Variants in ATF7IP observed in about 807,000 individuals in gnomAD.
The protein encoded by ATF7IP is activating transcription factor 7-interacting protein 1.
Under a neutral mutation model 106.4 loss-of-function variants are expected in ATF7IP, and 23 were observed. The observed-to-expected ratio is 0.22, with a 90% CI of 0.16 to 0.31. The LOEUF (loss-of-function observed/expected upper bound fraction) is 0.31. Ranked by LOEUF, ATF7IP falls within the 10% of genes least tolerant of loss-of-function variation. ATF7IP has a pLI of 1.00. For missense variants in ATF7IP, 1,334 were observed against 1,524.3 expected, an observed-to-expected ratio of 0.88 and a Z score of 2.08; for synonymous variants, 542 against 539.0, an observed-to-expected ratio of 1.01 and a Z score of -0.08.
chr12:14,396,328 A>G (rs1939839457), intron 1 of ATF7IP, among the ~76,000 whole-genome samples: 2 of 152,146 alleles, frequency 1.3e-5, no homozygotes, highest in Admixed American at 6.5e-5. Context: ...TTATTGCTAC[A>G]TAGTTGTATA....
chr12:14,472,820 G>GCA (rs35286428), intron 10 of ATF7IP, among the ~76,000 whole-genome samples: 67,486 of 151,410 alleles, frequency 0.45, 15,509 homozygotes, highest in East Asian at 0.59. Flanking sequence ...ATGAATGTAT[G>GCA]CACACACACA....
intron 4 of ATF7IP, among the ~76,000 whole-genome samples, chr12:14,436,698 AT>A (rs1312900815): frequency 5.3e-5 from 8 of 152,292 alleles, no homozygotes; most frequent in South Asian, 2.1e-4. Flanking sequence ...TCTCAAAAAA[AT>A]AATAAATAAA....
At chr12:14,421,960 A>G (rs1469685855) in intron 1 of ATF7IP, among the ~76,000 whole-genome samples, 1 of 152,186 alleles carries the variant, frequency 6.6e-6, no homozygotes, top group East Asian at 1.9e-4. Flanking sequence ...TAGATGAAAG[A>G]AGAAATCATG....
chr12:14,485,843 A>G (rs2136831644), intron 13 of ATF7IP, among the ~76,000 whole-genome samples: 1 of 152,358 alleles, frequency 6.6e-6, no homozygotes, highest in East Asian at 1.9e-4. Context: ...ACAGTAATCC[A>G]CTGCCATTCT....
chr12:14,474,069 A>G lies in ATF7IP; in HGVS notation c.2863-1821A>G, dbSNP rs146821616. Among the ~76,000 whole-genome samples, 17 of 151,882 alleles carry G rather than the reference A, an allele frequency of 1.1e-4. No individual in the cohort carries two copies. In the South Asian group the frequency reaches 1.5e-3, roughly 13 times the overall value. On this transcript the variant is annotated intron_variant, in intron 10 of 14. Transcript: ENST00000261168. Reference sequence around the variant, plus strand: ...CTAATGTTTTCCACCAAATTTGGGAAGTTTTTGGTTATTATTCAATTTTTT... The same window carrying G: ...CTAATGTTTTCCACCAAATTTGGGAGGTTTTTGGTTATTATTCAATTTTTT...
chr12:14,449,474 C>T (rs1019025602), intron 6 of ATF7IP, among the ~76,000 whole-genome samples: 1 of 152,002 alleles, frequency 6.6e-6, no homozygotes, highest in Non-Finnish European at 1.5e-5. Context: ...TCTAAGCTCT[C>T]TATTCATTTC....
intron 12 of ATF7IP, among the ~76,000 whole-genome samples, chr12:14,480,585 A>G (rs1259870497): frequency 6.6e-6 from 1 of 152,216 alleles, no homozygotes; most frequent in African/African-American, 2.4e-5. Flanking sequence ...GGAATACAAA[A>G]ATACTCTTTT....
chr12:14,412,456 A>G (rs1052854874), intron 1 of ATF7IP, among the ~76,000 whole-genome samples: 10 of 152,130 alleles, frequency 6.6e-5, no homozygotes, highest in Non-Finnish European at 1.3e-4. Context: ...TTTATTCAAT[A>G]GTATTTTATA....
In ATF7IP at chr12:14,502,257, AATT is replaced by A. The variant is rs1201366295; in HGVS notation, c.*4194_*4196del. ...TACTGGGCAAATGCCCTATTTTTTTAATTATTATTATTTTTAACTTTTGGGACA... is the reference window on the plus strand; with the variant it reads ...TACTGGGCAAATGCCCTATTTTTTTAATTATTATTTTTAACTTTTGGGACA... On this transcript the variant is annotated 3_prime_UTR_variant, in exon 15 of 15. Transcript: ENST00000261168. 2.6e-5 allele frequency: 4 copies of A among 151,996 alleles called. No individual in the cohort carries two copies. The highest frequency in any genetic ancestry group is 4.4e-5 in the Non-Finnish European group (3 of 67,974). 9.4% of individuals were successfully genotyped at this position (151,996 alleles called of 1,614,324 possible).
At chr12:14,402,094 TTCTC>T (rs933955149) in intron 1 of ATF7IP, among the ~76,000 whole-genome samples, 3 of 151,144 alleles carry the variant, frequency 2.0e-5, no homozygotes, top group Non-Finnish European at 2.9e-5. Flanking sequence ...CTGTCTGTCT[TTCTC>T]TCTCTCTTTT....
At chr12:14,396,453 A>G (rs929555315) in intron 1 of ATF7IP, among the ~76,000 whole-genome samples, 1 of 152,076 alleles carries the variant, frequency 6.6e-6, no homozygotes, top group East Asian at 1.9e-4. Flanking sequence ...AAAAAAGCAT[A>G]TATTTTATTA....
intron 10 of ATF7IP, among the ~76,000 whole-genome samples, chr12:14,469,105 T>G (rs1943942471): frequency 6.6e-6 from 1 of 152,132 alleles, no homozygotes; most frequent in African/African-American, 2.4e-5. Context: ...GTGCAGTGGC[T>G]TACACCTATA....
At chr12:14,432,112 A>G (rs1418136952) in intron 2 of ATF7IP, among the ~76,000 whole-genome samples, 1 of 152,178 alleles carries the variant, frequency 6.6e-6, no homozygotes, top group Non-Finnish European at 1.5e-5. Flanking sequence ...GGAAACTAAC[A>G]TGCGTATAAA....
intron 1 of ATF7IP, chr12:14,395,050 C>T (rs984633694): frequency 1.3e-5 from 2 of 151,486 alleles, no homozygotes; most frequent in Admixed American, 1.3e-4. Context: ...CAGATGTGAA[C>T]CACTATTTGA....
chr12:14,394,089 G>A (rs1939713749), intron 1 of ATF7IP, among the ~76,000 whole-genome samples: 1 of 152,130 alleles, frequency 6.6e-6, no homozygotes, highest in South Asian at 2.1e-4. Flanking sequence ...CATCATAATA[G>A]TGATACCTGA....
chr12:14,449,399 C>A (rs2136674519), intron 6 of ATF7IP, among the ~76,000 whole-genome samples: 1 of 152,108 alleles, frequency 6.6e-6, no homozygotes, highest in East Asian at 1.9e-4. Context: ...AGAGGCTGTC[C>A]TTATCCCGTT....
chr12:14,497,318 A>C (rs1945041300), intron 14 of ATF7IP, among the ~76,000 whole-genome samples: 1 of 152,220 alleles, frequency 6.6e-6, no homozygotes, highest in African/African-American at 2.4e-5. Flanking sequence ...AACATAGATA[A>C]TTCAATCATA....
chr12:14,422,948 T>C (rs2136544816), intron 1 of ATF7IP, among the ~76,000 whole-genome samples: 1 of 152,342 alleles, frequency 6.6e-6, no homozygotes, highest in Admixed American at 6.5e-5. Flanking sequence ...GACAACTCTG[T>C]ACTTCACATA....
chr12:14,366,120 G>A (rs990148446), intron 1 of ATF7IP, among the ~76,000 whole-genome samples: 3 of 152,198 alleles, frequency 2.0e-5, no homozygotes, highest in African/African-American at 7.2e-5. Flanking sequence ...TTCTTGAGGG[G>A]TTTCTTTGTG....
Sources: gnomAD v4.1 joint callset for allele counts (sites outside exome capture counted in the v4.1 genomes callset) on GRCh38, gnomAD v4.1.1 for gene constraint, MANE v1.5 for transcripts, NCBI Gene and HGNC (gene_info 2026-07-23, HGNC 2026-07-21) for gene names.